The following ALDH1A2 variants were observed in gnomAD, a reference collection of about 807,000 sequenced individuals.
The protein encoded by ALDH1A2 is retinal dehydrogenase 2.
ALDH1A2 carries 27 observed loss-of-function variants against 60.3 expected under a neutral mutation model. The ratio of observed to expected loss-of-function variants is 0.45; its 90% confidence interval spans 0.33 to 0.62. ALDH1A2 has a LOEUF of 0.62. Among genes scored for constraint, ALDH1A2 ranks in the 20% least tolerant of loss-of-function variants. The pLI, the probability that ALDH1A2 is intolerant of heterozygous loss-of-function variation, is 0.02. For missense variants in ALDH1A2, 581 were observed against 643.8 expected, an observed-to-expected ratio of 0.90 and a Z score of 1.06; for synonymous variants, 289 against 232.4, an observed-to-expected ratio of 1.24 and a Z score of -2.21.
At position 57,972,214 on chromosome 15, in the gene ALDH1A2, G is replaced by C. The variant is rs1456502999; in HGVS notation, c.799-6387C>G. On this transcript the variant is annotated intron_variant, in intron 7 of 12. Transcript: ENST00000249750. ...AAACAGGCACCCACTGAGTGGCAGA[G>C]CCAGGACTGGTCTCAGAATGTGCAC... 2.0e-5 allele frequency among the ~76,000 whole-genome samples: 3 copies of C among 152,210 alleles called. 1 individual carries two copies. The South Asian group carries it at 6.2e-4, about 32-fold the overall frequency.
intron 12 of ALDH1A2, among the ~76,000 whole-genome samples, chr15:57,958,225 CATAAATTTG>C: frequency 6.6e-6 from 1 of 152,344 alleles, no homozygotes; most frequent in South Asian, 2.1e-4. Context: ...CACACACACA[CATAAATTTG>C]ACAAGCTCTG....
At chr15:58,063,320 G>C (rs925152686) in intron 1 of ALDH1A2, among the ~76,000 whole-genome samples, 1 of 152,166 alleles carries the variant, frequency 6.6e-6, no homozygotes, top group Non-Finnish European at 1.5e-5. Flanking sequence ...GCCCTAACGC[G>C]TAATACTTTT....
In ALDH1A2 at chr15:58,049,825, G is replaced by A. The variant is rs148156520; in HGVS notation, c.117+15709C>T. Among the ~76,000 whole-genome samples, 27 of 152,142 alleles carry A rather than the reference G, an allele frequency of 1.8e-4. No homozygotes were observed. In the East Asian group the frequency reaches 5.0e-3, roughly 28 times the overall value. On this transcript the variant is annotated intron_variant, in intron 1 of 12. Coordinates refer to ENST00000249750, the MANE Select transcript of ALDH1A2 (RefSeq NM_003888.4). ...AAAACTCAAGAGAAATGGCTTTTAT[G>A]TACCCCCCTGTCTTGAAAACTGAGA...
At chr15:58,023,766 T>C (rs996157281) in intron 1 of ALDH1A2, among the ~76,000 whole-genome samples, 2 of 151,848 alleles carry the variant, frequency 1.3e-5, no homozygotes, top group African/African-American at 4.8e-5. Context: ...ACTGAAGGAA[T>C]TCATTACCAC....
intron 7 of ALDH1A2, among the ~76,000 whole-genome samples, chr15:57,987,881 CAAAA>C (rs34307559): frequency 2.2e-4 from 20 of 92,236 alleles, no homozygotes; most frequent in African/African-American, 6.8e-4. Flanking sequence ...GCTGACCCCT[CAAAA>C]AAAAAAAAAA....
chr15:58,035,242 G>A (rs1007420483), intron 1 of ALDH1A2, among the ~76,000 whole-genome samples: 4 of 151,790 alleles, frequency 2.6e-5, no homozygotes, highest in African/African-American at 9.6e-5. Context: ...GCAAAGAGTT[G>A]TGTATAATAT....
At chr15:58,015,272 G>C (rs556559732) in intron 1 of ALDH1A2, among the ~76,000 whole-genome samples, 1 of 151,838 alleles carries the variant, frequency 6.6e-6, no homozygotes, top group Non-Finnish European at 1.5e-5. Flanking sequence ...CAGAGATGAG[G>C]CTTAATAAAT....
intron 4 of ALDH1A2, among the ~76,000 whole-genome samples, chr15:58,006,859 T>TAAA (rs35453203): frequency 7.1e-6 from 1 of 139,874 alleles, no homozygotes; most frequent in African/African-American, 2.7e-5. Context: ...CTCATATTGT[T>TAAA]AAAAAAAAAA....
At chr15:57,979,455 C>G (rs1326369393) in intron 7 of ALDH1A2, among the ~76,000 whole-genome samples, 2 of 152,094 alleles carry the variant, frequency 1.3e-5, no homozygotes, top group Non-Finnish European at 2.9e-5. Context: ...TGCTGGCAGC[C>G]TGGACGTGCC....
At chr15:58,039,827 A>G (rs1216261628) in intron 1 of ALDH1A2, among the ~76,000 whole-genome samples, 1 of 151,794 alleles carries the variant, frequency 6.6e-6, no homozygotes, top group African/African-American at 2.4e-5. Flanking sequence ...AAGGAGAGGA[A>G]GTTGGCATGT....
At chr15:57,992,861 ATG>A in intron 6 of ALDH1A2, 43 bp from the exon 7 acceptor site, 2 of 1,613,754 alleles carry the variant, frequency 1.2e-6, no homozygotes, top group Non-Finnish European at 1.7e-6. Flanking sequence ...ATGAAAGCTG[ATG>A]CATCATGTTA....
intron 7 of ALDH1A2, among the ~76,000 whole-genome samples, chr15:57,971,197 G>A (rs1163157062): frequency 6.6e-6 from 1 of 152,142 alleles, no homozygotes; most frequent in Admixed American, 6.5e-5. Flanking sequence ...CTTTGCATAA[G>A]CTGCTCCATC....
chr15:57,995,793 G>T (rs1224742335), intron 4 of ALDH1A2, among the ~76,000 whole-genome samples: 3 of 152,018 alleles, frequency 2.0e-5, no homozygotes, highest in Non-Finnish European at 4.4e-5. Flanking sequence ...GGGGCTAAAA[G>T]AAAAAGAGCT....
At chr15:58,026,948 G>C (rs530285283) in intron 1 of ALDH1A2, among the ~76,000 whole-genome samples, 124 of 152,324 alleles carry the variant, frequency 8.1e-4, no homozygotes, top group African/African-American at 2.7e-3. Flanking sequence ...GCAGGGCATA[G>C]CTGAACAAAA....
chr15:58,031,641 C>A (rs1450110901), intron 1 of ALDH1A2, among the ~76,000 whole-genome samples: 1 of 152,060 alleles, frequency 6.6e-6, no homozygotes, highest in Admixed American at 6.6e-5. Flanking sequence ...TATCCAGAAT[C>A]TACAAAGAAC....
chr15:57,974,057 G>T (rs1894158572), intron 7 of ALDH1A2, among the ~76,000 whole-genome samples: 1 of 152,106 alleles, frequency 6.6e-6, no homozygotes, highest in Non-Finnish European at 1.5e-5. Context: ...AAAAATTCCT[G>T]TTGTTATAAA....
chr15:58,060,463 C>CTTTTTTTTTTTTTTTTT (rs35187901), intron 1 of ALDH1A2, among the ~76,000 whole-genome samples: 34 of 87,506 alleles, frequency 3.9e-4, no homozygotes, highest in African/African-American at 4.8e-4. Context: ...CCACACATAT[C>CTTTTTTTTTTTTTTTTT]TTTTTTTTTT....
At chr15:57,958,388 T>A (rs1893610488) in intron 12 of ALDH1A2, among the ~76,000 whole-genome samples, 1 of 152,150 alleles carries the variant, frequency 6.6e-6, no homozygotes, top group South Asian at 2.1e-4. Flanking sequence ...TCAGGGGAGT[T>A]TGATAAGGAA....
At chr15:58,059,445 A>C (rs1268151703) in intron 1 of ALDH1A2, among the ~76,000 whole-genome samples, 1 of 152,212 alleles carries the variant, frequency 6.6e-6, no homozygotes, top group Non-Finnish European at 1.5e-5. Context: ...AGGACTAGTA[A>C]AAGTTTCTTC....
Sources: gnomAD v4.1 joint callset for allele counts (sites outside exome capture counted in the v4.1 genomes callset) on GRCh38, gnomAD v4.1.1 for gene constraint, MANE v1.5 for transcripts, NCBI Gene and HGNC (gene_info 2026-07-23, HGNC 2026-07-21) for gene names.